CNTNAP5: variants seen among roughly 807,000 people sequenced by gnomAD.
The protein encoded by CNTNAP5 is contactin-associated protein-like 5.
CNTNAP5 carries 72 observed loss-of-function variants against 150.2 expected under a neutral mutation model. The ratio of observed to expected loss-of-function variants is 0.48; its 90% CI spans 0.40 to 0.58. The LOEUF (loss-of-function observed/expected upper bound fraction) is 0.58. CNTNAP5 is among the 20% of genes least tolerant of loss of function. The pLI is 0.00. For missense variants in CNTNAP5, 1,636 were observed against 1,626.2 expected, an observed-to-expected ratio of 1.01 and a Z score of -0.10; for synonymous variants, 672 against 619.8, an observed-to-expected ratio of 1.08 and a Z score of -1.25.
At chr2:124,875,698 GTTT>G (rs5834090) in intron 21 of CNTNAP5, among the ~76,000 whole-genome samples, 7 of 126,762 alleles carry the variant, frequency 5.5e-5, no homozygotes, top group South Asian at 2.6e-4. Flanking sequence ...AACCATGAGG[GTTT>G]TTTTTTTTTT....
intron 6 of CNTNAP5, among the ~76,000 whole-genome samples, chr2:124,464,458 G>T (rs1693329097): frequency 6.6e-6 from 1 of 152,110 alleles, no homozygotes; most frequent in African/African-American, 2.4e-5. Flanking sequence ...GTAAACAATT[G>T]CCTCGACTCA....
chr2:124,626,369 G>T (rs771725030), intron 12 of CNTNAP5, among the ~76,000 whole-genome samples: 1 of 152,134 alleles, frequency 6.6e-6, no homozygotes, highest in Non-Finnish European at 1.5e-5. Context: ...TTCCAACTGA[G>T]GTACCCAGTT....
chr2:124,888,580 C>A (rs1214640580), intron 21 of CNTNAP5, among the ~76,000 whole-genome samples: 2 of 152,182 alleles, frequency 1.3e-5, no homozygotes, highest in African/African-American at 4.8e-5. Context: ...GAATAAGCTT[C>A]TTCTTTTCTC....
intron 1 of CNTNAP5, among the ~76,000 whole-genome samples, chr2:124,062,669 A>C: frequency 6.6e-6 from 1 of 152,274 alleles, no homozygotes. Flanking sequence ...TGTCATAAGA[A>C]GTTTAAGGAT....
intron 12 of CNTNAP5, among the ~76,000 whole-genome samples, chr2:124,620,611 G>C (rs549479617): frequency 4.6e-5 from 7 of 151,888 alleles, no homozygotes; most frequent in Non-Finnish European, 1.0e-4. Context: ...TTTCTAGCTG[G>C]ATGGCCTTGG....
intron 20 of CNTNAP5, among the ~76,000 whole-genome samples, chr2:124,867,640 A>T (rs544128945): frequency 6.6e-6 from 1 of 152,142 alleles, no homozygotes; most frequent in Admixed American, 6.6e-5. Flanking sequence ...GTTTCCCATC[A>T]TCTCTCAAAA....
chr2:124,293,861 G>A (rs924968528), intron 3 of CNTNAP5, among the ~76,000 whole-genome samples: 1 of 151,672 alleles, frequency 6.6e-6, no homozygotes, highest in Non-Finnish European at 1.5e-5. Flanking sequence ...GCATGCTTGG[G>A]GTAGATTTCA....
At chr2:124,615,560 A>G (rs1310853682) in intron 12 of CNTNAP5, among the ~76,000 whole-genome samples, 1 of 152,150 alleles carries the variant, frequency 6.6e-6, no homozygotes, top group African/African-American at 2.4e-5. Context: ...ATCTGCAGTT[A>G]CTCCCTCCAC....
chr2:124,615,690 C>G lies in CNTNAP5; in HGVS notation c.1876+5770C>G, dbSNP rs182037386. ...ATGTTCTTAATGAGATCTACAATGG[C>G]AAATGCTTTCCAGAAGGTCTTCAAT... On this transcript the variant is annotated intron_variant, in intron 12 of 23. Transcript: ENST00000682447. Among the ~76,000 whole-genome samples, 3 of 152,280 alleles carry G rather than the reference C, an allele frequency of 2.0e-5. No individual in the cohort carries two copies. In the East Asian group the frequency reaches 5.8e-4, roughly 29 times the overall value.
intron 10 of CNTNAP5, among the ~76,000 whole-genome samples, chr2:124,543,901 A>G (rs1310778661): frequency 6.6e-6 from 1 of 152,102 alleles, no homozygotes; most frequent in Non-Finnish European, 1.5e-5. Flanking sequence ...GATTCTAACT[A>G]GAATCACCTA....
chr2:124,844,847 A>G (rs907621140), intron 19 of CNTNAP5, among the ~76,000 whole-genome samples: 12 of 152,040 alleles, frequency 7.9e-5, no homozygotes, highest in Non-Finnish European at 1.5e-4. Flanking sequence ...TGCTGAATTT[A>G]TTTACCAATT....
intron 19 of CNTNAP5, among the ~76,000 whole-genome samples, chr2:124,806,915 C>CTTTT (rs34184441): frequency 6.9e-6 from 1 of 144,156 alleles, no homozygotes; most frequent in African/African-American, 2.5e-5. Flanking sequence ...CTTTATTTTA[C>CTTTT]TTTTTTTTTT....
chr2:124,368,594 T>G (rs1690436346), intron 3 of CNTNAP5, among the ~76,000 whole-genome samples: 1 of 151,998 alleles, frequency 6.6e-6, no homozygotes, highest in Non-Finnish European at 1.5e-5. Context: ...AGTAGAAGGG[T>G]GGAATATCAT....
intron 2 of CNTNAP5, among the ~76,000 whole-genome samples, chr2:124,235,863 G>T (rs1404170431): frequency 6.6e-6 from 1 of 152,098 alleles, no homozygotes. Context: ...GTCTCAATCA[G>T]GGTCATTCCA....
intron 21 of CNTNAP5, among the ~76,000 whole-genome samples, chr2:124,873,159 A>G (rs982676905): frequency 3.9e-5 from 6 of 152,098 alleles, no homozygotes; most frequent in African/African-American, 1.4e-4. Context: ...ATGGCAGGAG[A>G]CAAAGGAGGA....
At chr2:124,042,847 T>C (rs1262487882) in intron 1 of CNTNAP5, among the ~76,000 whole-genome samples, 1 of 151,418 alleles carries the variant, frequency 6.6e-6, no homozygotes, top group Non-Finnish European at 1.5e-5. Context: ...GTTTGAAAAA[T>C]GGGATAAAAA....
At chr2:124,821,167 TTAATACCA>T (rs1221975067) in intron 19 of CNTNAP5, among the ~76,000 whole-genome samples, 13 of 152,156 alleles carry the variant, frequency 8.5e-5, no homozygotes, top group African/African-American at 2.9e-4. Context: ...ACAACCTACA[TTAATACCA>T]GAGTAAGTTA....
At position 124,504,380 on chromosome 2, in the gene CNTNAP5, C is replaced by A; in HGVS notation, c.1151C>A (p.Thr384Asn). The A allele has an allele frequency of 6.2e-7, 1 of 1,613,890 alleles. No individual in the cohort carries two copies. The highest frequency in any genetic ancestry group is 8.5e-7 in the Non-Finnish European group (1 of 1,179,832). ...SSGSYLLLPG[T>N]PQIDGLSVSF... ...GGCAGCTATTTGCTGCTGCCCGGCA[C>A]CCCCCAAATTGATGGGCTCTCAGTG... Residue 384 changes from threonine (T) to asparagine (N), a missense_variant, in exon 8 of 24, where the codon ACC (threonine) becomes AAC (asparagine). By Grantham distance (65) the Thr-to-Asn change is moderately conservative (BLOSUM62 0). Coordinates refer to ENST00000682447, the MANE Select transcript of CNTNAP5 (RefSeq NM_001367498.1).
At chr2:124,173,086 T>C (rs1684972730) in intron 1 of CNTNAP5, among the ~76,000 whole-genome samples, 1 of 152,176 alleles carries the variant, frequency 6.6e-6, no homozygotes, top group South Asian at 2.1e-4. Flanking sequence ...TTAGTTATCC[T>C]TTTCCTTGTT....
Sources: allele counts gnomAD v4.1 joint callset (sites outside exome capture counted in the v4.1 genomes callset), GRCh38; gene constraint gnomAD v4.1.1; transcripts MANE v1.5; gene names NCBI Gene and HGNC (gene_info 2026-07-23, HGNC 2026-07-21).